The following DLG2 variants were observed in gnomAD, a reference collection of about 807,000 sequenced individuals.
DLG2 encodes disks large homolog 2.
Under a neutral mutation model 132.5 loss-of-function variants are expected in DLG2, and 45 were observed. That is an observed-to-expected ratio of 0.34 (90% CI 0.27 to 0.44). The LOEUF is 0.44. Ranked by LOEUF, DLG2 falls within the 20% of genes least tolerant of loss-of-function variation. DLG2 has a pLI of 1.00. For synonymous variants in DLG2, 424 were observed against 419.6 expected (o/e 1.01, Z -0.13); for missense variants, 1,045 against 1,196.9 (o/e 0.87, Z 1.87).
intron 19 of DLG2, among the ~76,000 whole-genome samples, chr11:83,589,243 A>G (rs1427054625): frequency 6.6e-6 from 1 of 151,814 alleles, no homozygotes; most frequent in Non-Finnish European, 1.5e-5. Context: ...CCAGAGAGAA[A>G]GGTCGGGTTA....
chr11:84,536,136 T>C (rs931650185), intron 6 of DLG2, among the ~76,000 whole-genome samples: 37 of 152,082 alleles, frequency 2.4e-4, no homozygotes, highest in African/African-American at 8.9e-4. Context: ...CCAAGTAATA[T>C]CTCTCTCAAC....
chr11:83,646,076 T>C lies in DLG2; in HGVS notation c.1826-12751A>G, dbSNP rs188962412. ...TACTTATGTTTGATTGATTTTAGAA[T>C]AAACTAACAGATACACAAGAGCTTA... On this transcript the variant is annotated intron_variant, in intron 18 of 27. Transcript: ENST00000376104. 3.3e-3 allele frequency among the ~76,000 whole-genome samples: 508 copies of C among 152,234 alleles called. 1 individual carries two copies. The highest frequency in any genetic ancestry group is 5.4e-3 in the Non-Finnish European group (365 of 67,992).
intron 3 of DLG2, among the ~76,000 whole-genome samples, chr11:85,588,837 T>C (rs2079126010): frequency 6.6e-6 from 1 of 152,164 alleles, no homozygotes; most frequent in Non-Finnish European, 1.5e-5. Context: ...GGCTGCTATT[T>C]AGATTCTTTT....
chr11:84,478,735 T>C (rs778460542), intron 7 of DLG2, among the ~76,000 whole-genome samples: 2 of 152,102 alleles, frequency 1.3e-5, no homozygotes, highest in Non-Finnish European at 2.9e-5. Flanking sequence ...AACACAGTTA[T>C]ATAACTATGT....
chr11:84,386,066 T>C (rs759426456), intron 7 of DLG2, among the ~76,000 whole-genome samples: 3 of 152,082 alleles, frequency 2.0e-5, no homozygotes, highest in African/African-American at 4.8e-5. Context: ...TTTTTACATC[T>C]ATTTTTATTA....
At chr11:84,725,891 C>A (rs1039519034) in intron 6 of DLG2, among the ~76,000 whole-genome samples, 1 of 151,900 alleles carries the variant, frequency 6.6e-6, no homozygotes, top group African/African-American at 2.4e-5. Flanking sequence ...CTATTAGACT[C>A]ACCCAATATG....
At chr11:84,501,095 G>A (rs1035584334) in intron 7 of DLG2, among the ~76,000 whole-genome samples, 3 of 152,176 alleles carry the variant, frequency 2.0e-5, no homozygotes, top group African/African-American at 7.2e-5. Flanking sequence ...CAAACAGAAG[G>A]TAGTAATAGA....
At chr11:85,608,418 T>G (rs2080747426) in intron 2 of DLG2, among the ~76,000 whole-genome samples, 1 of 152,186 alleles carries the variant, frequency 6.6e-6, no homozygotes, top group African/African-American at 2.4e-5. Context: ...TCCTGCAGTT[T>G]GACCTTTTCT....
intron 8 of DLG2, among the ~76,000 whole-genome samples, chr11:84,189,331 T>A (rs1432403701): frequency 6.6e-6 from 1 of 152,192 alleles, no homozygotes; most frequent in Non-Finnish European, 1.5e-5. Flanking sequence ...ACACAACAGA[T>A]GCTGGCAATG....
chr11:84,844,917 G>C (rs1033099381), intron 6 of DLG2, among the ~76,000 whole-genome samples: 44 of 152,120 alleles, frequency 2.9e-4, no homozygotes, highest in African/African-American at 1.0e-3. Flanking sequence ...TGAATGGATT[G>C]ATATGCAAAT....
intron 11 of DLG2, among the ~76,000 whole-genome samples, chr11:84,009,029 T>C (rs2154060276): frequency 6.6e-6 from 1 of 151,956 alleles, no homozygotes; most frequent in East Asian, 1.9e-4. Flanking sequence ...AATACTAGAC[T>C]TTCAATAAAT....
chr11:84,549,095 G>A (rs2099396580), intron 6 of DLG2, among the ~76,000 whole-genome samples: 1 of 152,164 alleles, frequency 6.6e-6, no homozygotes, highest in Non-Finnish European at 1.5e-5. Flanking sequence ...ATGTTCAGTT[G>A]AGTTAATTTT....
intron 15 of DLG2, among the ~76,000 whole-genome samples, chr11:83,878,970 G>A (rs1222311484): frequency 4.6e-5 from 7 of 152,120 alleles, no homozygotes; most frequent in Admixed American, 2.6e-4. Flanking sequence ...AATTGAGGAA[G>A]TGCACAATAG....
At chr11:83,734,575 C>G (rs1281497686) in intron 18 of DLG2, among the ~76,000 whole-genome samples, 1 of 152,174 alleles carries the variant, frequency 6.6e-6, no homozygotes, top group East Asian at 1.9e-4. Context: ...CTCAGCCTCC[C>G]GAGTAGCTGG....
intron 6 of DLG2, among the ~76,000 whole-genome samples, chr11:84,955,124 G>A (rs552392588): frequency 6.6e-6 from 1 of 152,270 alleles, no homozygotes; most frequent in African/African-American, 2.4e-5. Context: ...ACTGTAGCTT[G>A]CAGACCTCTG....
At chr11:84,663,327 C>T (rs554569720) in intron 6 of DLG2, among the ~76,000 whole-genome samples, 4 of 151,674 alleles carry the variant, frequency 2.6e-5, no homozygotes, top group South Asian at 4.2e-4. Context: ...ACCACCATCT[C>T]TTTCTCCCTC....
At chr11:85,286,912 C>T (rs1030574832) in intron 3 of DLG2, among the ~76,000 whole-genome samples, 3 of 152,070 alleles carry the variant, frequency 2.0e-5, no homozygotes, top group Non-Finnish European at 2.9e-5. Flanking sequence ...AGAAACAACC[C>T]TGCTACAGTG....
chr11:83,932,227 A>G (rs1591315767), intron 14 of DLG2, among the ~76,000 whole-genome samples: 1 of 151,582 alleles, frequency 6.6e-6, no homozygotes. Flanking sequence ...AATGGGGTTC[A>G]CATTTGAAGA....
chr11:83,872,512 A>T (rs1440043935), intron 16 of DLG2, among the ~76,000 whole-genome samples: 1 of 152,128 alleles, frequency 6.6e-6, no homozygotes, highest in Non-Finnish European at 1.5e-5. Flanking sequence ...ACAGTTTGCT[A>T]TTTTTTTGTA....
Sources: allele counts gnomAD v4.1 joint callset (sites outside exome capture counted in the v4.1 genomes callset), GRCh38; gene constraint gnomAD v4.1.1; transcripts MANE v1.5; gene names NCBI Gene and HGNC (gene_info 2026-07-23, HGNC 2026-07-21).